ROBO2: variants seen among roughly 807,000 people sequenced by gnomAD.
ROBO2 encodes roundabout homolog 2.
ROBO2 carries 53 observed loss-of-function variants against 160.8 expected under a neutral mutation model. The observed-to-expected ratio is 0.33, with a 90% CI of 0.26 to 0.41. The LOEUF (loss-of-function observed/expected upper bound fraction) is 0.41, where lower values mean the gene tolerates loss of function less well. ROBO2 is among the 10% of genes least tolerant of loss of function. The pLI is 1.00. For synonymous variants in ROBO2, 664 were observed against 611.7 expected (o/e 1.09, Z -1.26); for missense variants, 1,577 against 1,722.4 (o/e 0.92, Z 1.49).
intron 2 of ROBO2, among the ~76,000 whole-genome samples, chr3:76,444,348 C>T (rs1171055537): frequency 6.6e-6 from 1 of 152,026 alleles, no homozygotes; most frequent in East Asian, 1.9e-4. Flanking sequence ...CTAGTAATCA[C>T]AAGATGTAAA....
chr3:76,681,775 A>G (rs1172356238), intron 2 of ROBO2, among the ~76,000 whole-genome samples: 1 of 151,944 alleles, frequency 6.6e-6, no homozygotes, highest in East Asian at 1.9e-4. Context: ...AAATAATTGC[A>G]GGTGAGATTT....
intron 2 of ROBO2, among the ~76,000 whole-genome samples, chr3:77,251,318 G>A (rs2090319840): frequency 6.6e-6 from 1 of 152,122 alleles, no homozygotes; most frequent in Non-Finnish European, 1.5e-5. Context: ...CATGGGTCAA[G>A]CCACACACAC....
intron 2 of ROBO2, among the ~76,000 whole-genome samples, chr3:76,763,630 C>A (rs2061427199): frequency 6.6e-6 from 1 of 151,592 alleles, no homozygotes; most frequent in Non-Finnish European, 1.5e-5. Flanking sequence ...TCAACTAATT[C>A]ATAAAAACCA....
At chr3:77,612,952 C>CA (rs958668579) in intron 21 of ROBO2, among the ~76,000 whole-genome samples, 61 of 142,294 alleles carry the variant, frequency 4.3e-4, no homozygotes, top group South Asian at 1.5e-3. Context: ...GACTCCGTCT[C>CA]AAAAAAAAAG....
chr3:76,850,036 A>G (rs929265593), intron 2 of ROBO2, among the ~76,000 whole-genome samples: 1 of 152,106 alleles, frequency 6.6e-6, no homozygotes. Flanking sequence ...AAAATATAAA[A>G]CTTAGCCAGA....
intron 6 of ROBO2, among the ~76,000 whole-genome samples, chr3:77,526,775 T>G (rs1561079443): frequency 6.6e-6 from 1 of 151,456 alleles, no homozygotes; most frequent in East Asian, 1.9e-4. Flanking sequence ...AGTCATTGTT[T>G]CCTGCCCTCT....
At chr3:77,596,330 A>G (rs575890319) in intron 18 of ROBO2, among the ~76,000 whole-genome samples, 44 of 152,294 alleles carry the variant, frequency 2.9e-4, no homozygotes, top group Middle Eastern at 3.4e-3. Context: ...CCAATGTATC[A>G]TCAAACCTTG....
At chr3:76,817,381 A>G (rs2109074717) in intron 2 of ROBO2, among the ~76,000 whole-genome samples, 1 of 152,228 alleles carries the variant, frequency 6.6e-6, no homozygotes, top group East Asian at 1.9e-4. Context: ...TTCTCAGGGC[A>G]TCATTGGAAT....
chr3:77,566,217 G>A (rs573985815), intron 12 of ROBO2, among the ~76,000 whole-genome samples: 37 of 152,124 alleles, frequency 2.4e-4, no homozygotes, highest in African/African-American at 8.2e-4. Context: ...ACGTGACTTT[G>A]TAACGTTGCT....
chr3:77,263,658 G>A (rs530395517), intron 2 of ROBO2, among the ~76,000 whole-genome samples: 1 of 152,244 alleles, frequency 6.6e-6, no homozygotes, highest in Admixed American at 6.5e-5. Flanking sequence ...TATCACTGAT[G>A]GGCATTTATG....
chr3:76,324,095 C>T (rs1008244660), intron 2 of ROBO2, among the ~76,000 whole-genome samples: 2 of 152,182 alleles, frequency 1.3e-5, no homozygotes, highest in Admixed American at 6.5e-5. Flanking sequence ...TCACACCATA[C>T]TACACTAAAT....
intron 2 of ROBO2, among the ~76,000 whole-genome samples, chr3:77,147,640 T>C (rs1358023854): frequency 7.2e-5 from 11 of 152,234 alleles, no homozygotes; most frequent in Admixed American, 1.3e-4. Flanking sequence ...TGTACTCTTT[T>C]ACTATGTGTA....
intron 2 of ROBO2, among the ~76,000 whole-genome samples, chr3:76,674,068 T>C (rs757332678): frequency 6.6e-6 from 1 of 152,080 alleles, no homozygotes; most frequent in Non-Finnish European, 1.5e-5. Flanking sequence ...TCATTCATTT[T>C]ATATATTCTA....
intron 2 of ROBO2, among the ~76,000 whole-genome samples, chr3:76,663,262 A>C (rs1428392843): frequency 6.6e-6 from 1 of 152,210 alleles, no homozygotes; most frequent in African/African-American, 2.4e-5. Context: ...AGTTAGAGAA[A>C]TCAGGTTTAG....
At chr3:76,137,883 G>A (rs751435909) in intron 2 of ROBO2, among the ~76,000 whole-genome samples, 2 of 151,872 alleles carry the variant, frequency 1.3e-5, no homozygotes, top group African/African-American at 2.4e-5. Flanking sequence ...AGTTTTAGGG[G>A]TTTGTGTAAT....
At chr3:76,514,290 T>C (rs2081246928) in intron 2 of ROBO2, among the ~76,000 whole-genome samples, 1 of 152,138 alleles carries the variant, frequency 6.6e-6, no homozygotes, top group Non-Finnish European at 1.5e-5. Flanking sequence ...ATGTTACATG[T>C]AGTCAGTCAC....
intron 2 of ROBO2, among the ~76,000 whole-genome samples, chr3:76,339,693 A>G (rs533307040): frequency 6.6e-5 from 10 of 152,244 alleles, no homozygotes; most frequent in Middle Eastern, 3.4e-3. Flanking sequence ...CACAGACACC[A>G]AGAGTATAGT....
intron 21 of ROBO2, among the ~76,000 whole-genome samples, chr3:77,609,791 CATATAT>C (rs34908269): frequency 4.2e-5 from 6 of 143,698 alleles, no homozygotes; most frequent in African/African-American, 1.0e-4. Context: ...TTTATATATA[CATATAT>C]ATATATATAT....
intron 2 of ROBO2, among the ~76,000 whole-genome samples, chr3:76,137,658 T>C (rs944139094): frequency 6.6e-6 from 1 of 151,946 alleles, no homozygotes; most frequent in Non-Finnish European, 1.5e-5. Flanking sequence ...GATCAAAGTG[T>C]TGGCAGAGTT....
Sources: allele counts gnomAD v4.1 joint callset (sites outside exome capture counted in the v4.1 genomes callset), GRCh38; gene constraint gnomAD v4.1.1; transcripts MANE v1.5; gene names NCBI Gene and HGNC (gene_info 2026-07-23, HGNC 2026-07-21).